ZNF93: variants seen among roughly 807,000 people sequenced by gnomAD.
ZNF93 encodes the protein zinc finger protein 93, also known as zinc finger protein 505.
Under a neutral mutation model 45.0 loss-of-function variants are expected in ZNF93, and 29 were observed. The ratio of observed to expected loss-of-function variants is 0.64; its 90% CI spans 0.48 to 0.88. The LOEUF (loss-of-function observed/expected upper bound fraction) is 0.88, where lower values mean the gene tolerates loss of function less well. ZNF93 is among the 40% of genes least tolerant of loss of function. ZNF93 has a pLI of 0.00. For synonymous variants in ZNF93, 223 were observed against 244.6 expected, an observed-to-expected ratio of 0.91 and a Z score of 0.82; for missense variants, 578 against 724.0, an observed-to-expected ratio of 0.80 and a Z score of 2.31.
chr19:19,909,629 T>G (rs2063302300), intron 1 of ZNF93: 1 of 152,262 alleles, frequency 6.6e-6, no homozygotes, highest in Admixed American at 6.5e-5. Flanking sequence ...GTATGTCACA[T>G]TCAAGTTTAA....
chr19:19,926,231 C>A, intron 3 of ZNF93: 1 of 150,690 alleles, frequency 6.6e-6, no homozygotes. Flanking sequence ...GGCATGTGTC[C>A]CCACACCCAG....
chr19:19,903,784 T>C (rs2063283969), intron 1 of ZNF93, among the ~76,000 whole-genome samples: 1 of 150,056 alleles, frequency 6.7e-6, no homozygotes, highest in African/African-American at 2.5e-5. Flanking sequence ...GAAAAAAATA[T>C]TTCAGGCCAG....
chr19:19,912,343 A>C (rs2063311169), intron 1 of ZNF93, among the ~76,000 whole-genome samples: 1 of 152,172 alleles, frequency 6.6e-6, no homozygotes, highest in Non-Finnish European at 1.5e-5. Context: ...TGGAGACCTT[A>C]GTTAGGTCTG....
At chr19:19,931,540 T>C (rs1265629508) in intron 3 of ZNF93, among the ~76,000 whole-genome samples, 2 of 152,260 alleles carry the variant, frequency 1.3e-5, no homozygotes, top group Middle Eastern at 3.4e-3. Context: ...CTTATTTGTA[T>C]TTTTTGTAGA....
At chr19:19,928,844 G>T (rs1216804679) in intron 3 of ZNF93, among the ~76,000 whole-genome samples, 1 of 152,180 alleles carries the variant, frequency 6.6e-6, no homozygotes, top group African/African-American at 2.4e-5. Context: ...AACTTGTTAT[G>T]TGTCCTAACA....
chr19:19,923,536 A>C (rs1481141601), intron 3 of ZNF93, among the ~76,000 whole-genome samples: 1 of 152,196 alleles, frequency 6.6e-6, no homozygotes, highest in Non-Finnish European at 1.5e-5. Flanking sequence ...AGAGGCAGGC[A>C]GGCCTCCTTG....
In ZNF93 at chr19:19,934,268, C is replaced by G. The variant is rs140716963; in HGVS notation, c.1313C>G (p.Ser438Ter). The change falls in exon 4 of 4, where the codon TCA becomes TGA. Residue 438 changes from serine (S) to a stop codon, truncating the protein, a stop_gained. Coordinates refer to ENST00000343769, the MANE Select transcript of ZNF93 (RefSeq NM_031218.4). LOFTEE classifies it high-confidence loss of function. The part of the protein sequence containing the change: ...EECGKAFVAS[S>*]TLSKHEIIHT... Reference sequence around the variant, plus strand: ...TGTGGCAAAGCCTTTGTTGCATCCTCAACCCTTAGTAAACATGAGATCATT... The same window carrying G: ...TGTGGCAAAGCCTTTGTTGCATCCTGAACCCTTAGTAAACATGAGATCATT... 6.2e-7 allele frequency: 1 copy of G among 1,612,898 alleles called. No individual in the cohort carries two copies. Among genetic ancestry groups the G allele is most frequent in the Admixed American group, 1.7e-5 (1 of 59,256 alleles).
intron 1 of ZNF93, among the ~76,000 whole-genome samples, chr19:19,913,080 GTTCCTGCT>G (rs2063314087): frequency 6.6e-6 from 1 of 152,154 alleles, no homozygotes; most frequent in African/African-American, 2.4e-5. Context: ...ACCCTGTGCT[GTTCCTGCT>G]TTCTCTAACT....
At chr19:19,915,999 C>T (rs1194147281) in intron 2 of ZNF93, among the ~76,000 whole-genome samples, 2 of 152,032 alleles carry the variant, frequency 1.3e-5, no homozygotes, top group Non-Finnish European at 2.9e-5. Context: ...AATGCCACCA[C>T]CAATTTTTGA....
At chr19:19,929,780 T>C (rs1053314852) in intron 3 of ZNF93, among the ~76,000 whole-genome samples, 21 of 149,934 alleles carry the variant, frequency 1.4e-4, no homozygotes, top group Admixed American at 4.6e-4. Flanking sequence ...CTACTAAAAA[T>C]ACAAAAAATT....
chr19:19,929,080 G>A (rs1015203355), intron 3 of ZNF93, among the ~76,000 whole-genome samples: 10 of 152,124 alleles, frequency 6.6e-5, no homozygotes, highest in African/African-American at 1.4e-4. Context: ...CATCCTCTCG[G>A]TAACCAAAAA....
chr19:19,934,453 A>G lies in ZNF93; in HGVS notation c.1498A>G (p.Lys500Glu), dbSNP rs1283332187. 1 of 1,613,050 alleles carries G rather than the reference A, an allele frequency of 6.2e-7. No individual in the cohort carries two copies. Among genetic ancestry groups the G allele is most frequent in the Non-Finnish European group, 8.5e-7 (1 of 1,179,948 alleles). Residue 500 changes from lysine to glutamate, a missense_variant, in exon 4 of 4, where the codon AAG (lysine) becomes GAG (glutamate). Around this residue, in one of 3 missense-constraint regions of ZNF93, gnomAD observed 13 missense variants for 53.3 expected, o/e 0.24. Coordinates refer to ENST00000343769, the MANE Select transcript of ZNF93 (RefSeq NM_031218.4). Reference sequence around the variant, plus strand: ...CCAGTCCTCTTCCCTTACTAAACATAAGAAAATTCATACTGGAGAGAAACC... The same window carrying G: ...CCAGTCCTCTTCCCTTACTAAACATGAGAAAATTCATACTGGAGAGAAACC... ...FNQSSSLTKH[K>E]KIHTGEKPYK...
At position 19,916,557 on chromosome 19, in the gene ZNF93, C is replaced by G. The variant is rs753286783; in HGVS notation, c.131-3C>G. ...TTCATGTTATTTATTCTTAACAAAACAGGTATTGTTGTCTCTAAGCCAGAC... is the reference window on the plus strand; with the variant it reads ...TTCATGTTATTTATTCTTAACAAAAGAGGTATTGTTGTCTCTAAGCCAGAC... On this transcript the variant is annotated splice_polypyrimidine_tract_variant and splice_region_variant and intron_variant, in intron 2 of 3. Transcript: ENST00000343769. The G allele has an allele frequency of 4.3e-6, 7 of 1,610,272 alleles. No individual in the cohort carries two copies. The South Asian group carries it at 7.7e-5, about 18-fold the overall frequency.
At chr19:19,925,261 G>C (rs750205165) in intron 3 of ZNF93, among the ~76,000 whole-genome samples, 1 of 152,088 alleles carries the variant, frequency 6.6e-6, no homozygotes, top group East Asian at 1.9e-4. Context: ...CTCCCTCCCC[G>C]GATCTCAAAT....
At position 19,922,040 on chromosome 19, in the gene ZNF93, G is replaced by A. The variant is rs372849934; in HGVS notation, c.226+5385G>A. Among the ~76,000 whole-genome samples the A allele has an allele frequency of 1.4e-4, 21 of 152,252 alleles. No individual in the cohort carries two copies. In the East Asian group the frequency reaches 2.9e-3, roughly 21 times the overall value. ...GTTGATGCAGTTTCTTCTTAGCCTC[G>A]ATGGTCTTTACTATTTGGCATGTTT... On this transcript the variant is annotated intron_variant, in intron 3 of 3. Coordinates refer to ENST00000343769, the MANE Select transcript of ZNF93 (RefSeq NM_031218.4).
At chr19:19,932,712 A>G (rs2063378491) in intron 3 of ZNF93, 1 of 152,234 alleles carries the variant, frequency 6.6e-6, no homozygotes. Flanking sequence ...TTATACTCAT[A>G]CCAAATTATT....
At chr19:19,904,194 G>T (rs1164107613) in intron 1 of ZNF93, among the ~76,000 whole-genome samples, 1 of 143,190 alleles carries the variant, frequency 7.0e-6, no homozygotes, top group Non-Finnish European at 1.5e-5. Flanking sequence ...AGAAAAGAGA[G>T]CACTAAGTCA....
rs1207900245 is a variant in ZNF93, at chr19:19,916,485, C to G, written c.131-75C>G. 6.0e-6 allele frequency: 7 copies of G among 1,164,350 alleles called. No homozygotes were observed. In the Admixed American group the frequency reaches 1.5e-4, roughly 25 times the overall value. The allele number at this position is 1,164,350 out of a possible 1,614,324, so 72.1% of individuals were successfully genotyped here. ...TTACTAGAATATTTTATCACATCGTCTTTGCTGAGCACATTACTAGCTTGT... is the reference window on the plus strand; with the variant it reads ...TTACTAGAATATTTTATCACATCGTGTTTGCTGAGCACATTACTAGCTTGT... On this transcript the variant is annotated intron_variant, in intron 2 of 3. Transcript: ENST00000343769.
chr19:19,900,970 A>G lies in ZNF93; in HGVS notation c.-119A>G, dbSNP rs951814005. On this transcript the variant is annotated 5_prime_UTR_variant, in exon 1 of 4. Coordinates refer to ENST00000343769, the MANE Select transcript of ZNF93 (RefSeq NM_031218.4). ...TGTCTCTCGGTGCAGCCGGAGCTCC[A>G]GGTCTCCTCTTCACTACTCTGTGTC... is the stretch of plus-strand genomic sequence containing the variant. 8 of 1,500,552 alleles carry G rather than the reference A, an allele frequency of 5.3e-6. No individual in the cohort carries two copies. Among genetic ancestry groups the G allele is most frequent in the Middle Eastern group, 1.7e-4 (1 of 5,720 alleles). The allele number at this position is 1,500,552 out of a possible 1,614,324, so 93.0% of individuals were successfully genotyped here. A position where few individuals can be genotyped will look rare whatever the true frequency, so the allele number is the denominator to read the frequency against.
Sources: gnomAD v4.1 joint callset for allele counts (sites outside exome capture counted in the v4.1 genomes callset) on GRCh38, gnomAD v4.1.1 for gene constraint, gnomAD v4.1.1 regional missense constraint, MANE v1.5 for transcripts, NCBI Gene and HGNC (gene_info 2026-07-23, HGNC 2026-07-21) for gene names.